The following SPAG16 variants were observed in gnomAD, a reference collection of about 807,000 sequenced individuals.
SPAG16 encodes sperm associated antigen 16, also known as sperm-associated antigen 16 protein.
In SPAG16, 86 loss-of-function variants were observed where a neutral mutation model predicts 80.4. That is an observed-to-expected ratio of 1.07 (90% CI 0.90 to 1.28). SPAG16 has a LOEUF of 1.28. Ranked by LOEUF, SPAG16 falls within the 50% of genes most tolerant of loss-of-function variation. SPAG16 has a pLI of 0.00. For missense variants in SPAG16, 870 were observed against 765.3 expected (o/e 1.14, Z -1.61); for synonymous variants, 294 against 265.9 (o/e 1.11, Z -1.03).
intron 13 of SPAG16, among the ~76,000 whole-genome samples, chr2:214,070,739 C>T (rs2050749453): frequency 1.3e-5 from 2 of 151,912 alleles, no homozygotes; most frequent in African/African-American, 4.8e-5. Flanking sequence ...TATAACCACC[C>T]TTGCTTTCTT....
intron 10 of SPAG16, among the ~76,000 whole-genome samples, chr2:213,610,501 C>CT (rs2125014912): frequency 6.6e-6 from 1 of 152,292 alleles, no homozygotes; most frequent in Non-Finnish European, 1.5e-5. Flanking sequence ...ATCCCATAAC[C>CT]TTTTTATCAC....
At chr2:214,116,915 G>A (rs2053961846) in intron 14 of SPAG16, among the ~76,000 whole-genome samples, 1 of 152,108 alleles carries the variant, frequency 6.6e-6, no homozygotes, top group Admixed American at 6.6e-5. Flanking sequence ...TGTGAAGACT[G>A]GAACAAATAC....
chr2:214,108,567 G>A (rs1166364900), intron 14 of SPAG16, among the ~76,000 whole-genome samples: 2 of 151,394 alleles, frequency 1.3e-5, no homozygotes, highest in African/African-American at 4.9e-5. Flanking sequence ...AGAGCCTTTT[G>A]TCCAATTTGG....
intron 13 of SPAG16, among the ~76,000 whole-genome samples, chr2:214,023,744 T>C (rs1382462176): frequency 6.6e-6 from 1 of 151,784 alleles, no homozygotes; most frequent in Non-Finnish European, 1.5e-5. Flanking sequence ...ATAAAACCTT[T>C]GCATACACAT....
chr2:213,378,574 G>A (rs2067008423), intron 9 of SPAG16, among the ~76,000 whole-genome samples: 1 of 152,118 alleles, frequency 6.6e-6, no homozygotes, highest in South Asian at 2.1e-4. Flanking sequence ...ATAAAACGAA[G>A]GTATATTCTT....
At chr2:213,694,677 C>A (rs958294040) in intron 10 of SPAG16, among the ~76,000 whole-genome samples, 2 of 152,014 alleles carry the variant, frequency 1.3e-5, no homozygotes, top group African/African-American at 4.8e-5. Flanking sequence ...TTCATGAATT[C>A]AGATTTTTAA....
chr2:213,846,023 A>G (rs570414497), intron 10 of SPAG16, among the ~76,000 whole-genome samples: 40 of 152,328 alleles, frequency 2.6e-4, no homozygotes, highest in Non-Finnish European at 5.9e-5. Flanking sequence ...ATTTACTAGC[A>G]TCTCATTGGC....
chr2:214,314,107 A>G (rs530222347), intron 15 of SPAG16, among the ~76,000 whole-genome samples: 1 of 152,140 alleles, frequency 6.6e-6, no homozygotes, highest in South Asian at 2.1e-4. Context: ...CATTGTTACT[A>G]CAAACTAGAT....
intron 10 of SPAG16, among the ~76,000 whole-genome samples, chr2:213,760,928 A>G (rs114577931): frequency 0.014 from 2,059 of 152,286 alleles, 45 homozygotes; most frequent in African/African-American, 0.048. Flanking sequence ...CTACCCCGCT[A>G]CTTCAATAAT....
intron 12 of SPAG16, among the ~76,000 whole-genome samples, chr2:214,012,288 A>ATATATT (rs1553694500): frequency 4.7e-4 from 22 of 46,788 alleles, no homozygotes; most frequent in African/African-American, 8.6e-4. Flanking sequence ...ATATATATAT[A>ATATATT]TTTTTTTTTT....
intron 10 of SPAG16, among the ~76,000 whole-genome samples, chr2:213,720,294 C>T (rs149547915): frequency 5.9e-4 from 89 of 151,932 alleles, no homozygotes; most frequent in Non-Finnish European, 8.7e-4. Flanking sequence ...ATGTAATAAA[C>T]CTGCTGGTTC....
intron 1 of SPAG16, among the ~76,000 whole-genome samples, chr2:213,292,008 A>G (rs534918518): frequency 6.6e-6 from 1 of 152,314 alleles, no homozygotes; most frequent in Non-Finnish European, 1.5e-5. Flanking sequence ...ATAAAAAGCC[A>G]TTGTCTAGAA....
Position 214,371,362 on chromosome 2 carries a change from A to G in SPAG16, c.1721-38778A>G, listed in dbSNP as rs531318111. The stretch of plus-strand genomic sequence containing the variant: ...AGCCTGACCAACATGGAGAAATCCC[A>G]TCTCTACTAAAAATACAAAATTAGC... On this transcript the variant is annotated intron_variant, in intron 15 of 15. Coordinates refer to ENST00000331683, the MANE Select transcript of SPAG16 (RefSeq NM_024532.5). Among the ~76,000 whole-genome samples, 136 of 151,832 alleles carry G rather than the reference A, an allele frequency of 9.0e-4. 1 individual carries two copies. The highest frequency in any genetic ancestry group is 3.0e-3 in the African/African-American group (124 of 41,422).
At chr2:214,331,260 C>T (rs993811839) in intron 15 of SPAG16, among the ~76,000 whole-genome samples, 3 of 152,084 alleles carry the variant, frequency 2.0e-5, no homozygotes, top group Non-Finnish European at 4.4e-5. Flanking sequence ...TTGCTGTTTG[C>T]TTCTATAGCA....
rs1015821898 is a variant in SPAG16 at position 213,956,749 on chromosome 2, A to G, written c.1400+26604A>G. 2.0e-5 allele frequency among the ~76,000 whole-genome samples: 3 copies of G among 152,044 alleles called. No individual in the cohort carries two copies. In the South Asian group the frequency reaches 6.2e-4, roughly 32 times the overall value. ...TACAGGTGTGAGCCACCACGCCTGG[A>G]CTTACTTGATTTTTAATGTATGCAT... On this transcript the variant is annotated intron_variant, in intron 12 of 15. Coordinates refer to ENST00000331683, the MANE Select transcript of SPAG16 (RefSeq NM_024532.5).
intron 15 of SPAG16, among the ~76,000 whole-genome samples, chr2:214,221,991 T>A (rs2058583455): frequency 6.6e-6 from 1 of 151,980 alleles, no homozygotes; most frequent in African/African-American, 2.4e-5. Flanking sequence ...TAAATAAAAA[T>A]ATGTGTTTTT....
At chr2:213,354,065 G>A (rs1056255533) in intron 7 of SPAG16, among the ~76,000 whole-genome samples, 2 of 152,112 alleles carry the variant, frequency 1.3e-5, no homozygotes, top group Admixed American at 6.5e-5. Context: ...GCCCTGGTGT[G>A]TGACGCTCCC....
chr2:214,242,832 C>A (rs2052440), intron 15 of SPAG16, among the ~76,000 whole-genome samples: 48,435 of 151,898 alleles, frequency 0.32, 7,899 homozygotes, highest in East Asian at 0.5. Flanking sequence ...GTAGCATCTT[C>A]TAATCAGATG....
chr2:214,115,862 G>A (rs1304338337), intron 14 of SPAG16, among the ~76,000 whole-genome samples: 1 of 137,750 alleles, frequency 7.3e-6, no homozygotes, highest in East Asian at 2.3e-4. Context: ...TGGCGACAGA[G>A]TGAGACTCCA....
Sources: gnomAD v4.1 joint callset for allele counts (sites outside exome capture counted in the v4.1 genomes callset) on GRCh38, gnomAD v4.1.1 for gene constraint, MANE v1.5 for transcripts, NCBI Gene and HGNC (gene_info 2026-07-23, HGNC 2026-07-21) for gene names.